SPAG6: variants seen among roughly 807,000 people sequenced by gnomAD.
SPAG6 encodes the protein sperm-associated antigen 6.
SPAG6 carries 49 observed loss-of-function variants against 58.5 expected under a neutral mutation model. That is an observed-to-expected ratio of 0.84 (90% confidence interval 0.67 to 1.06). The LOEUF (loss-of-function observed/expected upper bound fraction) is 1.06, where lower values mean the gene tolerates loss of function less well. Ranked by LOEUF, SPAG6 falls within the 50% of genes least tolerant of loss-of-function variation. The pLI is 0.00. For missense variants in SPAG6, 560 were observed against 611.3 expected, an observed-to-expected ratio of 0.92 and a Z score of 0.89; for synonymous variants, 233 against 225.6, an observed-to-expected ratio of 1.03 and a Z score of -0.29.
chr10:22,346,430 G>GTTCTTCCTCTTC lies in SPAG6; in HGVS notation c.121+618_121+619insCTCTTCTTCTTC, dbSNP rs1463625993. 3.3e-3 allele frequency among the ~76,000 whole-genome samples: 319 copies of GTTCTTCCTCTTC among 96,002 alleles called. 3 individuals carry two copies. The highest frequency in any genetic ancestry group is 6.2e-3 in the Admixed American group (57 of 9,170). 63.0% of individuals were successfully genotyped at this position (96,002 alleles called of 152,430 possible). A position where few individuals can be genotyped will look rare whatever the true frequency, so the allele number is the denominator to read the frequency against. Reference sequence around the variant, plus strand: ...TAACATAAACTGATAAGAGAAAATGGTTCTTCTTCTTCTTCTTCTTCTTCT... The same window carrying GTTCTTCCTCTTC: ...TAACATAAACTGATAAGAGAAAATGGTTCTTCCTCTTCTTCTTCTTCTTCTTCTTCTTCTTCT... On this transcript the variant is annotated intron_variant, in intron 2 of 10. Coordinates refer to ENST00000376624, the MANE Select transcript of SPAG6 (RefSeq NM_012443.4).
rs373102204 is a variant in SPAG6 at position 22,382,472 on chromosome 10, TA to T, written c.473-4280del. On this transcript the variant is annotated intron_variant, in intron 4 of 10. Coordinates refer to ENST00000376624, the MANE Select transcript of SPAG6 (RefSeq NM_012443.4). Reference sequence around the variant, plus strand: ...CTAATGTTTAAAAAATGTAATATTTTAACTTTAATAAGGGTCTGAATTAAGG... The same window carrying T: ...CTAATGTTTAAAAAATGTAATATTTTACTTTAATAAGGGTCTGAATTAAGG... Among the ~76,000 whole-genome samples the T allele has an allele frequency of 9.8e-5, 15 of 152,324 alleles. No individual in the cohort carries two copies. In the South Asian group the frequency reaches 1.9e-3, roughly 19 times the overall value.
intron 4 of SPAG6, among the ~76,000 whole-genome samples, chr10:22,374,967 A>G (rs545712284): frequency 2.0e-5 from 3 of 152,312 alleles, no homozygotes; most frequent in South Asian, 4.1e-4. Context: ...TACCTGCTCT[A>G]CTTGATAACG....
At chr10:22,373,208 G>A (rs1833740083) in intron 4 of SPAG6, among the ~76,000 whole-genome samples, 1 of 152,124 alleles carries the variant, frequency 6.6e-6, no homozygotes, top group African/African-American at 2.4e-5. Context: ...GCAGGGTCTG[G>A]CTGATGTGGA....
At chr10:22,415,359 G>A (rs939890093) in intron 10 of SPAG6, among the ~76,000 whole-genome samples, 20 of 151,828 alleles carry the variant, frequency 1.3e-4, no homozygotes, top group African/African-American at 4.6e-4. Context: ...CATATTATCT[G>A]GTGTCCGATA....
chr10:22,412,070 C>T (rs777292848), intron 10 of SPAG6, among the ~76,000 whole-genome samples: 26 of 152,026 alleles, frequency 1.7e-4, no homozygotes, highest in Non-Finnish European at 3.1e-4. Context: ...AGGTTGGTCT[C>T]GATATCCTGA....
chr10:22,375,302 T>C (rs999479104), intron 4 of SPAG6, among the ~76,000 whole-genome samples: 3 of 152,234 alleles, frequency 2.0e-5, no homozygotes, highest in East Asian at 1.9e-4. Flanking sequence ...AGTGCTCCAA[T>C]TGAGCATTTC....
chr10:22,402,755 C>T (rs954772269), intron 9 of SPAG6, among the ~76,000 whole-genome samples: 3 of 152,130 alleles, frequency 2.0e-5, no homozygotes, highest in Admixed American at 2.0e-4. Flanking sequence ...TAAATTACTG[C>T]AAGGGAAATT....
intron 2 of SPAG6, among the ~76,000 whole-genome samples, chr10:22,346,503 C>CT (rs1412283644): frequency 1.5e-4 from 21 of 136,436 alleles, no homozygotes; most frequent in African/African-American, 3.4e-4. Context: ...CTTCTTTCTT[C>CT]TTCTTCTTCC....
chr10:22,409,621 A>G (rs546189283), intron 9 of SPAG6, among the ~76,000 whole-genome samples: 27 of 152,218 alleles, frequency 1.8e-4, no homozygotes, highest in South Asian at 2.1e-4. Context: ...TAGGGCTTCA[A>G]TGGAGGAAGG....
intron 9 of SPAG6, among the ~76,000 whole-genome samples, chr10:22,406,596 G>GA (rs901897772): frequency 4.6e-5 from 7 of 152,020 alleles, no homozygotes; most frequent in East Asian, 1.9e-4. Flanking sequence ...GTGTGGTGCT[G>GA]AAAAAAATGT....
intron 2 of SPAG6, among the ~76,000 whole-genome samples, chr10:22,356,370 A>C (rs1836867269): frequency 6.6e-6 from 1 of 152,240 alleles, no homozygotes; most frequent in Admixed American, 6.5e-5. Flanking sequence ...CGCATCCTGC[A>C]CAGCTATACA....
At chr10:22,356,824 A>C (rs561481247) in intron 2 of SPAG6, among the ~76,000 whole-genome samples, 1 of 152,170 alleles carries the variant, frequency 6.6e-6, no homozygotes, top group Admixed American at 6.5e-5. Flanking sequence ...CCTGCCTCTC[A>C]TCTTGTCCCT....
At position 22,413,688 on chromosome 10, in the gene SPAG6, G is replaced by GATATATATATATATATATATAT. The variant is rs59765652; in HGVS notation, c.1460+2532_1460+2533insATATATATATATATATATATAT. Reference sequence around the variant, plus strand: ...ACCTGACTAATGTTTTCAAATTTCTGATATATATATATATATATATTTCAC... The same window carrying GATATATATATATATATATATAT: ...ACCTGACTAATGTTTTCAAATTTCTGATATATATATATATATATATATATATATATATATATATATATTTCAC... On this transcript the variant is annotated intron_variant, in intron 10 of 10. Coordinates refer to ENST00000376624, the MANE Select transcript of SPAG6 (RefSeq NM_012443.4). Among the ~76,000 whole-genome samples the GATATATATATATATATATATAT allele has an allele frequency of 1.2e-3, 175 of 141,604 alleles. 3 individuals are homozygous for GATATATATATATATATATATAT. Among genetic ancestry groups the GATATATATATATATATATATAT allele is most frequent in the African/African-American group, 4.9e-3 (172 of 35,252 alleles). The allele number at this position is 141,604 out of a possible 152,430, so 92.9% of individuals were successfully genotyped here. A position where few individuals can be genotyped will look rare whatever the true frequency, so the allele number is the denominator to read the frequency against.
At chr10:22,390,289 G>A (rs1166155648) in intron 7 of SPAG6, among the ~76,000 whole-genome samples, 1 of 152,050 alleles carries the variant, frequency 6.6e-6, no homozygotes, top group Non-Finnish European at 1.5e-5. Flanking sequence ...GTTCTTTTGT[G>A]GATAGTCATG....
chr10:22,348,851 G>A (rs11012957), intron 2 of SPAG6, among the ~76,000 whole-genome samples: 1,517 of 151,656 alleles, frequency 0.01, 27 homozygotes, highest in African/African-American at 0.035. Flanking sequence ...TTTTGTTTTC[G>A]AGACAGGGTT....
intron 9 of SPAG6, among the ~76,000 whole-genome samples, chr10:22,406,005 G>A (rs1315706373): frequency 2.0e-5 from 3 of 151,958 alleles, no homozygotes; most frequent in African/African-American, 7.3e-5. Context: ...ATTTTTTATT[G>A]CGTCTATCTG....
rs991521441 is a variant in SPAG6, at chr10:22,362,079, A to G, written c.122-2774A>G. On this transcript the variant is annotated intron_variant, in intron 2 of 10. Transcript: ENST00000376624. Reference sequence around the variant, plus strand: ...TTATTCTATATAAGTATATATAAATATATATTTATTTTATATATTCGATGT... The same window carrying G: ...TTATTCTATATAAGTATATATAAATGTATATTTATTTTATATATTCGATGT... Among the ~76,000 whole-genome samples, 212 of 145,932 alleles carry G rather than the reference A, an allele frequency of 1.5e-3. 2 individuals are homozygous for G. The highest frequency in any genetic ancestry group is 5.0e-3 in the African/African-American group (201 of 40,310).
At chr10:22,364,782 A>G in intron 2 of SPAG6, 71 bp from the exon 3 acceptor site, 1 of 1,136,660 alleles carries the variant, frequency 8.8e-7, no homozygotes, top group East Asian at 2.4e-5. Flanking sequence ...CTGTCTGCAT[A>G]TATACTGAAT....
Position 22,387,841 on chromosome 10 carries a change from C to G in SPAG6, c.697C>G (p.Leu233Val), listed in dbSNP as rs1455227300. Residue 233 changes from leucine to valine, a missense_variant, in exon 6 of 11, where the codon CTC becomes GTC. Leu to Val is a conservative substitution (Grantham distance 32, BLOSUM62 1). Coordinates refer to ENST00000376624, the MANE Select transcript of SPAG6 (RefSeq NM_012443.4). ...AKLKHQILSALSQVSKHSVDL... is the reference protein window; with the variant it reads ...AKLKHQILSAVSQVSKHSVDL... ...TTCACAGCATCAGATCCTTTCAGCTCTCAGTCAGGTTTCAAAACATTCCGT... is the reference window on the plus strand; with the variant it reads ...TTCACAGCATCAGATCCTTTCAGCTGTCAGTCAGGTTTCAAAACATTCCGT... The G allele has an allele frequency of 5.0e-6, 8 of 1,610,830 alleles. No homozygotes were observed. Among genetic ancestry groups the G allele is most frequent in the South Asian group, 1.1e-5 (1 of 90,436 alleles).
Sources: gnomAD v4.1 joint callset for allele counts (sites outside exome capture counted in the v4.1 genomes callset) on GRCh38, gnomAD v4.1.1 for gene constraint, MANE v1.5 for transcripts, NCBI Gene and HGNC (gene_info 2026-07-23, HGNC 2026-07-21) for gene names.